Variants in OSBPL8 observed in about 807,000 individuals in gnomAD.
The protein encoded by OSBPL8 is oxysterol-binding protein-related protein 8.
A neutral mutation model predicts 125.5 loss-of-function variants in OSBPL8; 59 were observed. The observed-to-expected ratio is 0.47, with a 90% CI of 0.38 to 0.58. The LOEUF (loss-of-function observed/expected upper bound fraction) is 0.58, where lower values mean the gene tolerates loss of function less well. OSBPL8 is among the 20% of genes least tolerant of loss of function. The probability of loss-of-function intolerance (pLI) is 0.00; values close to 1 mark genes in which losing one functional copy is unlikely to be tolerated. For missense variants in OSBPL8, 758 were observed against 1,047.8 expected (o/e 0.72, Z 3.82); for synonymous variants, 330 against 338.9 (o/e 0.97, Z 0.29).
At chr12:76,547,754 C>G (rs1188876520) in intron 1 of OSBPL8, among the ~76,000 whole-genome samples, 1 of 152,124 alleles carries the variant, frequency 6.6e-6, no homozygotes, top group African/African-American at 2.4e-5. Flanking sequence ...AAATGCCATT[C>G]CCTGGAGCAA....
intron 1 of OSBPL8, among the ~76,000 whole-genome samples, chr12:76,519,007 G>A (rs1247252916): frequency 1.3e-5 from 2 of 152,188 alleles, no homozygotes; most frequent in African/African-American, 4.8e-5. Flanking sequence ...AATCACTCTA[G>A]CAAGTGGTTG....
intron 1 of OSBPL8, among the ~76,000 whole-genome samples, chr12:76,519,282 T>C (rs1881844292): frequency 6.6e-6 from 1 of 152,198 alleles, no homozygotes; most frequent in South Asian, 2.1e-4. Context: ...GCTCTTTCTT[T>C]GCTGGGGTGC....
intron 4 of OSBPL8, among the ~76,000 whole-genome samples, chr12:76,438,107 C>T (rs1871708541): frequency 6.6e-6 from 1 of 151,702 alleles, no homozygotes; most frequent in Non-Finnish European, 1.5e-5. Context: ...CTGCCTCAGC[C>T]TCTCGGGTAG....
At chr12:76,454,767 CTAGAAAATT>C (rs1475513985) in intron 3 of OSBPL8, among the ~76,000 whole-genome samples, 1 of 149,744 alleles carries the variant, frequency 6.7e-6, no homozygotes, top group Non-Finnish European at 1.5e-5. Context: ...ACAGCAAGTC[CTAGAAAATT>C]ATATAAACCA....
intron 4 of OSBPL8, among the ~76,000 whole-genome samples, chr12:76,431,471 G>A (rs1870817335): frequency 6.6e-6 from 1 of 152,030 alleles, no homozygotes; most frequent in South Asian, 2.1e-4. Context: ...AAGAAATAGA[G>A]TCACTGAATG....
rs147760341 is a variant in OSBPL8 at position 76,465,202 on chromosome 12, C to T, written c.43-5307G>A. ...AGCAGATATTTAAAAATAACCTAAT[C>T]GCACATTTGATCCAGCAATTCCCCT... is the stretch of plus-strand genomic sequence containing the variant. On this transcript the variant is annotated intron_variant, in intron 2 of 23. Coordinates refer to ENST00000261183, the MANE Select transcript of OSBPL8 (RefSeq NM_020841.5). Among the ~76,000 whole-genome samples the T allele has an allele frequency of 3.5e-3, 532 of 152,240 alleles. 3 individuals are homozygous for T. The highest frequency in any genetic ancestry group is 0.017 in the South Asian group (84 of 4,830).
Position 76,397,842 on chromosome 12 carries a change from ACCCCAGGTTT to A in OSBPL8, c.514_523del (p.Lys172CysfsTer3). ...TTTTTGGGTTTTATAGATCAGTAGC[ACCCCAGGTTT>A]CAACACACACCATAACTTGGTCCAG... On this transcript the variant is annotated frameshift_variant, in exon 8 of 24. Coordinates refer to ENST00000261183, the MANE Select transcript of OSBPL8 (RefSeq NM_020841.5). LOFTEE classifies it high-confidence loss of function. 6.2e-7 allele frequency: 1 copy of A among 1,614,024 alleles called. No individual in the cohort carries two copies. The highest frequency in any genetic ancestry group is 1.1e-5 in the South Asian group (1 of 91,072).
intron 8 of OSBPL8, among the ~76,000 whole-genome samples, chr12:76,396,798 T>C (rs1803202785): frequency 6.6e-6 from 1 of 152,088 alleles, no homozygotes; most frequent in African/African-American, 2.4e-5. Flanking sequence ...GATTCATTTA[T>C]TCAGTTAGTA....
intron 1 of OSBPL8, among the ~76,000 whole-genome samples, chr12:76,494,840 G>A (rs1879113208): frequency 6.6e-6 from 1 of 152,130 alleles, no homozygotes; most frequent in Admixed American, 6.6e-5. Flanking sequence ...TTGGATGTAA[G>A]AGTTTGCAGC....
In OSBPL8 at chr12:76,355,982, T is replaced by C. The variant is rs1951968324; in HGVS notation, c.2577A>G (p.Thr859=). 1 of 1,613,302 alleles carries C rather than the reference T, an allele frequency of 6.2e-7. No homozygotes were observed. The highest frequency in any genetic ancestry group is 8.5e-7 in the Non-Finnish European group (1 of 1,179,546). Residue 859 remains threonine (T), a synonymous_variant, in exon 24 of 24, where the codon ACA becomes ACG. Transcript: ENST00000261183. ...MALRNHLVSS[T]PATDYFLQQK... is the part of the protein sequence containing the mutation. ...GTTGCAGAAAATAATCCGTGGCCGG[T>C]GTGCTTGAAACTAAATGATTTCGAA...
At chr12:76,470,502 C>T (rs75194531) in intron 2 of OSBPL8, among the ~76,000 whole-genome samples, 1 of 152,116 alleles carries the variant, frequency 6.6e-6, no homozygotes, top group Non-Finnish European at 1.5e-5. Context: ...AATTGTCAAT[C>T]TGAAATAAAA....
intron 2 of OSBPL8, among the ~76,000 whole-genome samples, chr12:76,464,110 T>C (rs1875080233): frequency 6.6e-6 from 1 of 152,196 alleles, no homozygotes. Context: ...GAACAGCTTC[T>C]CAGTTTATTC....
At chr12:76,366,453 T>C in intron 21 of OSBPL8, 1 of 328,994 alleles carries the variant, frequency 3.0e-6, no homozygotes. Context: ...GCCTAGCTGA[T>C]GGTTTATCGA....
chr12:76,497,246 C>T lies in OSBPL8; in HGVS notation c.-67-9628G>A, dbSNP rs571318534. Among the ~76,000 whole-genome samples the T allele has an allele frequency of 2.5e-4, 37 of 149,736 alleles. 1 individual carries two copies. In the South Asian group the frequency reaches 4.4e-3, roughly 18 times the overall value. ...CACAGCAAACAGATTTTACTTTCGA[C>T]TTTGCAGATGATAGGATTTCTATTG... On this transcript the variant is annotated intron_variant, in intron 1 of 23. Coordinates refer to ENST00000261183, the MANE Select transcript of OSBPL8 (RefSeq NM_020841.5).
intron 4 of OSBPL8, among the ~76,000 whole-genome samples, chr12:76,435,416 G>C (rs1354748393): frequency 6.6e-6 from 1 of 152,056 alleles, no homozygotes; most frequent in Non-Finnish European, 1.5e-5. Flanking sequence ...GAAATGGGGA[G>C]ATATTAGTCA....
At chr12:76,438,263 G>C (rs1481464917) in intron 4 of OSBPL8, among the ~76,000 whole-genome samples, 1 of 151,306 alleles carries the variant, frequency 6.6e-6, no homozygotes, top group East Asian at 1.9e-4. Flanking sequence ...TGGGATTACA[G>C]GCATGAGCCA....
At position 76,459,357 on chromosome 12, in the gene OSBPL8, T is replaced by C. The variant is rs1310196368; in HGVS notation, c.79+502A>G. Among the ~76,000 whole-genome samples the C allele has an allele frequency of 2.6e-5, 4 of 152,202 alleles. No individual in the cohort carries two copies. The South Asian group carries it at 6.2e-4, about 24-fold the overall frequency. Reference sequence around the variant, plus strand: ...CCCAAAAAACTCTCAGTAAAATGTGTTGAGGTGAATTGGATATAATTTTCA... The same window carrying C: ...CCCAAAAAACTCTCAGTAAAATGTGCTGAGGTGAATTGGATATAATTTTCA... On this transcript the variant is annotated intron_variant, in intron 3 of 23. Coordinates refer to ENST00000261183, the MANE Select transcript of OSBPL8 (RefSeq NM_020841.5).
intron 1 of OSBPL8, among the ~76,000 whole-genome samples, chr12:76,539,042 A>G (rs1023578196): frequency 2.5e-5 from 1 of 39,452 alleles, no homozygotes; most frequent in African/African-American, 7.5e-5. Flanking sequence ...GCCTGCTATT[A>G]AATAACTGGG....
chr12:76,431,647 T>G (rs528756801), intron 4 of OSBPL8, among the ~76,000 whole-genome samples: 1 of 152,118 alleles, frequency 6.6e-6, no homozygotes, highest in South Asian at 2.1e-4. Context: ...TCAAAAACTG[T>G]CACAAGAGAC....
Sources: gnomAD v4.1 joint callset for allele counts (sites outside exome capture counted in the v4.1 genomes callset) on GRCh38, gnomAD v4.1.1 for gene constraint, MANE v1.5 for transcripts, NCBI Gene and HGNC (gene_info 2026-07-23, HGNC 2026-07-21) for gene names.